GALNT17: variants seen among roughly 807,000 people sequenced by gnomAD.
The protein encoded by GALNT17 is polypeptide N-acetylgalactosaminyltransferase 17, also known as UDP-GalNAc:polypeptide N-acetylgalactosaminyltransferase-like 3.
Under a neutral mutation model 63.7 loss-of-function variants are expected in GALNT17, and 29 were observed. The ratio of observed to expected loss-of-function variants is 0.46; its 90% CI spans 0.34 to 0.62. The LOEUF (loss-of-function observed/expected upper bound fraction) is 0.62. GALNT17 is among the 20% of genes least tolerant of loss of function. The pLI, the probability that GALNT17 is intolerant of heterozygous loss-of-function variation, is 0.01. For missense variants in GALNT17, 603 were observed against 799.6 expected, an observed-to-expected ratio of 0.75 and a Z score of 2.97; for synonymous variants, 305 against 318.3, an observed-to-expected ratio of 0.96 and a Z score of 0.45.
At chr7:71,596,343 C>A (rs1789887211) in intron 6 of GALNT17, among the ~76,000 whole-genome samples, 1 of 152,002 alleles carries the variant, frequency 6.6e-6, no homozygotes. Flanking sequence ...TGGCCTGCTG[C>A]TTTGTTTTTT....
chr7:71,485,164 G>A (rs1563127996), intron 5 of GALNT17, among the ~76,000 whole-genome samples: 1 of 150,002 alleles, frequency 6.7e-6, no homozygotes, highest in Non-Finnish European at 1.5e-5. Context: ...GGAGTGCAGT[G>A]GCACCATCAT....
chr7:71,437,208 C>G (rs1010245897), intron 5 of GALNT17, among the ~76,000 whole-genome samples: 1 of 152,152 alleles, frequency 6.6e-6, no homozygotes, highest in African/African-American at 2.4e-5. Context: ...TACTCTGCAT[C>G]CTTTTGTATC....
At chr7:71,538,846 A>G (rs1017917215) in intron 5 of GALNT17, among the ~76,000 whole-genome samples, 3 of 151,692 alleles carry the variant, frequency 2.0e-5, no homozygotes, top group Non-Finnish European at 2.9e-5. Context: ...AGGGAGAGAG[A>G]AAGGAAGGAG....
chr7:71,635,314 G>A (rs1216461426), intron 6 of GALNT17, among the ~76,000 whole-genome samples: 1 of 152,108 alleles, frequency 6.6e-6, no homozygotes, highest in African/African-American at 2.4e-5. Flanking sequence ...AGAGAAAAGA[G>A]GTTGTAAAAT....
intron 6 of GALNT17, among the ~76,000 whole-genome samples, chr7:71,578,682 C>T (rs1584065312): frequency 1.3e-5 from 2 of 152,118 alleles, no homozygotes; most frequent in African/African-American, 4.8e-5. Context: ...GCCAAAGCCC[C>T]AGGAACCTGA....
At chr7:71,396,963 G>A (rs1340283978) in intron 3 of GALNT17, among the ~76,000 whole-genome samples, 1 of 151,794 alleles carries the variant, frequency 6.6e-6, no homozygotes, top group Non-Finnish European at 1.5e-5. Flanking sequence ...TGTTCATGTT[G>A]TATCCTTTAA....
intron 2 of GALNT17, among the ~76,000 whole-genome samples, chr7:71,377,435 A>G (rs772209128): frequency 3.3e-5 from 5 of 152,058 alleles, no homozygotes; most frequent in Admixed American, 6.6e-5. Context: ...GTGCTTGGCA[A>G]CAGAACCTGG....
chr7:71,143,005 C>T (rs566852003), intron 1 of GALNT17, among the ~76,000 whole-genome samples: 14 of 150,802 alleles, frequency 9.3e-5, no homozygotes, highest in South Asian at 2.1e-4. Flanking sequence ...AACTGGTGCA[C>T]GGTAGGTGCT....
intron 6 of GALNT17, among the ~76,000 whole-genome samples, chr7:71,608,095 A>G (rs952638208): frequency 3.3e-5 from 5 of 152,166 alleles, no homozygotes; most frequent in African/African-American, 9.7e-5. Flanking sequence ...TTTCCCCAGG[A>G]AAGTTCTGAA....
At chr7:71,336,419 C>T (rs1791908734) in intron 2 of GALNT17, among the ~76,000 whole-genome samples, 1 of 152,090 alleles carries the variant, frequency 6.6e-6, no homozygotes, top group Non-Finnish European at 1.5e-5. Flanking sequence ...AATTGCATGT[C>T]ACAGGGGTTC....
At chr7:71,438,169 T>G (rs1319510299) in intron 5 of GALNT17, among the ~76,000 whole-genome samples, 1 of 152,188 alleles carries the variant, frequency 6.6e-6, no homozygotes, top group East Asian at 1.9e-4. Context: ...ATGGGTTTAA[T>G]AAGTATTAAC....
chr7:71,374,417 G>A (rs1367072723), intron 2 of GALNT17, among the ~76,000 whole-genome samples: 1 of 152,208 alleles, frequency 6.6e-6, no homozygotes. Context: ...GCTGGGGGCC[G>A]CCTTTCTGCT....
chr7:71,297,554 A>G (rs1791104967), intron 1 of GALNT17, among the ~76,000 whole-genome samples: 1 of 108,874 alleles, frequency 9.2e-6, no homozygotes, highest in Non-Finnish European at 2.2e-5. Flanking sequence ...GCTTGGGCCC[A>G]GGAGGCAGAG....
intron 1 of GALNT17, among the ~76,000 whole-genome samples, chr7:71,139,648 C>T (rs1787849690): frequency 6.6e-6 from 1 of 152,020 alleles, no homozygotes; most frequent in Non-Finnish European, 1.5e-5. Flanking sequence ...TGATTTGGCA[C>T]AGAGAGAGGA....
At chr7:71,644,774 G>C (rs1024359280) in intron 6 of GALNT17, among the ~76,000 whole-genome samples, 2 of 151,778 alleles carry the variant, frequency 1.3e-5, no homozygotes, top group African/African-American at 4.8e-5. Context: ...TAATAATAAA[G>C]TAAGTAAAAT....
chr7:71,442,112 G>A (rs1429178640), intron 5 of GALNT17, among the ~76,000 whole-genome samples: 1 of 152,146 alleles, frequency 6.6e-6, no homozygotes, highest in Non-Finnish European at 1.5e-5. Context: ...CAATGTAAAA[G>A]TGTTCCTATT....
At chr7:71,344,752 A>G (rs762658257) in intron 2 of GALNT17, among the ~76,000 whole-genome samples, 3 of 152,134 alleles carry the variant, frequency 2.0e-5, no homozygotes, top group Non-Finnish European at 2.9e-5. Flanking sequence ...TTATTGTGCT[A>G]CTTTTATACA....
At position 71,301,481 on chromosome 7, in the gene GALNT17, T is replaced by A. The variant is rs539887251; in HGVS notation, c.239-34069T>A. 9.6e-3 allele frequency among the ~76,000 whole-genome samples: 1,433 copies of A among 149,818 alleles called. 16 individuals carry two copies. The highest frequency in any genetic ancestry group is 0.014 in the Middle Eastern group (4 of 284). ...TTATTATAAAAAATAATTACTTTTTTAAAAGTAATTATTGATAGAGAGGGA... is the reference window on the plus strand; with the variant it reads ...TTATTATAAAAAATAATTACTTTTTAAAAAGTAATTATTGATAGAGAGGGA... On this transcript the variant is annotated intron_variant, in intron 1 of 10. Transcript: ENST00000333538.
chr7:71,668,835 G>C (rs1791024562), intron 7 of GALNT17, among the ~76,000 whole-genome samples: 1 of 152,120 alleles, frequency 6.6e-6, no homozygotes, highest in Admixed American at 6.5e-5. Flanking sequence ...TAAAAGCAGA[G>C]TGAATTATTC....
Sources: gnomAD v4.1 joint callset for allele counts (sites outside exome capture counted in the v4.1 genomes callset) on GRCh38, gnomAD v4.1.1 for gene constraint, MANE v1.5 for transcripts, NCBI Gene and HGNC (gene_info 2026-07-23, HGNC 2026-07-21) for gene names.